The following CEP104 variants were observed in gnomAD, a reference collection of about 807,000 sequenced individuals.
CEP104 encodes the protein centrosomal protein of 104 kDa.
A neutral mutation model predicts 113.3 loss-of-function variants in CEP104; 84 were observed. That is an observed-to-expected ratio of 0.74 (90% confidence interval 0.62 to 0.89). The LOEUF (loss-of-function observed/expected upper bound fraction) is 0.89. CEP104 is among the 40% of genes least tolerant of loss of function. The probability of loss-of-function intolerance (pLI) is 0.00; values close to 1 mark genes in which losing one functional copy is unlikely to be tolerated. For synonymous variants in CEP104, 378 were observed against 421.7 expected, an observed-to-expected ratio of 0.90 and a Z score of 1.27; for missense variants, 1,053 against 1,156.6, an observed-to-expected ratio of 0.91 and a Z score of 1.30.
At chr1:3,847,437 T>C in intron 4 of CEP104, 38 bp downstream of exon 4, 1 of 1,527,312 alleles carries the variant, frequency 6.5e-7, no homozygotes, top group Non-Finnish European at 8.8e-7. Context: ...ACAAAGAAGG[T>C]AGGGGCAGAA....
chr1:3,851,791 A>G (rs1644616001), intron 2 of CEP104, among the ~76,000 whole-genome samples: 1 of 152,250 alleles, frequency 6.6e-6, no homozygotes, highest in Admixed American at 6.5e-5. Flanking sequence ...CTGGGACTGC[A>G]GGCGGGAGCC....
Position 3,831,055 on chromosome 1 carries a change from GT to G in CEP104, c.1826del (p.Asn609ThrfsTer2). The G allele has an allele frequency of 1.2e-6, 2 of 1,613,494 alleles. No individual in the cohort carries two copies. Among genetic ancestry groups the G allele is most frequent in the Non-Finnish European group, 1.7e-6 (2 of 1,179,796 alleles). ...GTGSSGFTID[N>X]VMKFSVSALE... is the part of the protein sequence containing the mutation. ...CGCGAGGTCTGCTTACCTTCATCAC[GT>G]TGTCAATGGTGAAGCCCGAGCTGCC... On this transcript the variant is annotated frameshift_variant, in exon 13 of 22. Transcript: ENST00000378230. LOFTEE classifies it high-confidence loss of function.
chr1:3,854,666 G>A (rs1644679307), intron 1 of CEP104, among the ~76,000 whole-genome samples: 2 of 133,222 alleles, frequency 1.5e-5, no homozygotes, highest in South Asian at 4.8e-4. Flanking sequence ...TGGTATTTTA[G>A]TAGAGACGGG....
rs894900745 is a variant in CEP104, at chr1:3,819,807, C to T, written c.2571+3367G>A. ...AACAATTCACACGAAATTAGAAAGA[C>T]GTGTCTCAGCAGGCTGGAGTGGCAG... On this transcript the variant is annotated intron_variant, in intron 20 of 21. Coordinates refer to ENST00000378230, the MANE Select transcript of CEP104 (RefSeq NM_014704.4). The surrounding 1 kb of genome is among the most constrained non-coding windows in gnomAD (Gnocchi z 4.6). Among the ~76,000 whole-genome samples, 10 of 152,326 alleles carry T rather than the reference C, an allele frequency of 6.6e-5. No individual in the cohort carries two copies. Among genetic ancestry groups the T allele is most frequent in the East Asian group, 1.9e-4 (1 of 5,184 alleles).
chr1:3,836,662 G>A lies in CEP104; in HGVS notation c.1150C>T (p.Leu384Phe). ...CCATAATGCTTACGAATAGCTGGAA[G>A]AGGCCGCTCATCGTAGGGCAGGGAC... Reference protein sequence around the residue: ...AESLPYDERPLPAIRKHYGEA... With the variant: ...AESLPYDERPFPAIRKHYGEA... Residue 384 changes from leucine (L) to phenylalanine (F), a missense_variant, in exon 10 of 22, where the codon CTT becomes TTT. Physicochemically the swap from Leu to Phe is conservative, Grantham distance 22. Transcript: ENST00000378230. The A allele has an allele frequency of 6.2e-7, 1 of 1,613,736 alleles. No individual in the cohort carries two copies.
chr1:3,833,263 G>A (rs889668147), intron 12 of CEP104, among the ~76,000 whole-genome samples: 1 of 152,156 alleles, frequency 6.6e-6, no homozygotes. Context: ...ACAGGTGTGA[G>A]CCACCGTGCC....
At position 3,835,137 on chromosome 1, in the gene CEP104, T is replaced by C. The variant is rs750157811; in HGVS notation, c.1318-45A>G. On this transcript the variant is annotated intron_variant, in intron 10 of 21. Transcript: ENST00000378230. ...ATTTCATGGCATCACACAACCATCC[T>C]CCAACACTACACAACTTGAAGGCTT... The C allele has an allele frequency of 2.6e-6, 4 of 1,532,190 alleles. No individual in the cohort carries two copies. The South Asian group carries it at 3.7e-5, about 14-fold the overall frequency. The allele number at this position is 1,532,190 out of a possible 1,614,324, so 94.9% of individuals were successfully genotyped here.
chr1:3,838,682 C>A (rs1644358708), intron 8 of CEP104, among the ~76,000 whole-genome samples: 3 of 152,194 alleles, frequency 2.0e-5, no homozygotes, highest in Admixed American at 2.0e-4. Context: ...AATAAGGAAG[C>A]AGCTGGAGAG....
At chr1:3,828,908 G>A (rs916138571) in intron 15 of CEP104, among the ~76,000 whole-genome samples, 3 of 152,096 alleles carry the variant, frequency 2.0e-5, no homozygotes, top group African/African-American at 7.2e-5. Flanking sequence ...TTTTTAATGC[G>A]CTGAAGTCAG....
At chr1:3,854,029 A>G (rs1248335589) in intron 1 of CEP104, among the ~76,000 whole-genome samples, 1 of 152,210 alleles carries the variant, frequency 6.6e-6, no homozygotes, top group Non-Finnish European at 1.5e-5. Flanking sequence ...TATGCCAGAA[A>G]CGCACAGCCC....
chr1:3,854,236 G>A (rs10909803), intron 1 of CEP104, among the ~76,000 whole-genome samples: 55,802 of 151,806 alleles, frequency 0.37, 12,443 homozygotes, highest in African/African-American at 0.64. Context: ...CACCTGAAGC[G>A]CCTCCCTCAG....
rs187365623 is a variant in CEP104, at chr1:3,854,309, T to C, written c.-14-1888A>G. Among the ~76,000 whole-genome samples the C allele has an allele frequency of 2.6e-4, 39 of 152,206 alleles. No individual in the cohort carries two copies. The East Asian group carries it at 5.6e-3, about 22-fold the overall frequency. On this transcript the variant is annotated intron_variant, in intron 1 of 21. Transcript: ENST00000378230. ...GCCCAGCTCCAGTCATCTCCATCCA[T>C]GTCCTAACTCCAGAGCTCTTGGTGG...
intron 15 of CEP104, among the ~76,000 whole-genome samples, chr1:3,827,128 A>G (rs930734199): frequency 2.0e-5 from 3 of 152,182 alleles, no homozygotes; most frequent in African/African-American, 7.2e-5. Flanking sequence ...GTTTCTCTCA[A>G]ACTCAACCAC....
intron 6 of CEP104, among the ~76,000 whole-genome samples, chr1:3,842,732 G>C (rs1390409054): frequency 1.3e-5 from 2 of 152,120 alleles, no homozygotes; most frequent in African/African-American, 4.8e-5. Context: ...TTCTTTATTG[G>C]GAAGCTGCTG....
chr1:3,832,956 TGGG>T (rs1377356319), intron 12 of CEP104, among the ~76,000 whole-genome samples: 19 of 151,270 alleles, frequency 1.3e-4, no homozygotes, highest in African/African-American at 4.6e-4. Context: ...GCTGGGATTA[TGGG>T]CGTGAGCCAC....
intron 2 of CEP104, among the ~76,000 whole-genome samples, chr1:3,851,496 G>A (rs964003798): frequency 7.2e-5 from 11 of 152,150 alleles, no homozygotes; most frequent in Admixed American, 2.6e-4. Context: ...CAGAGCTGAC[G>A]AGGTGGGATG....
chr1:3,815,343 G>T lies in CEP104; in HGVS notation c.*59C>A. 7.9e-7 allele frequency: 1 copy of T among 1,270,166 alleles called. No individual in the cohort carries two copies. The highest frequency in any genetic ancestry group is 1.1e-6 in the Non-Finnish European group (1 of 897,200). 78.7% of individuals were successfully genotyped at this position (1,270,166 alleles called of 1,614,324 possible). ...AAGGCCAGAGAGTTCTGGAGAGATG[G>T]TGTAGAATCAGGAGACCCGCTCCAT... On this transcript the variant is annotated 3_prime_UTR_variant, in exon 22 of 22. Coordinates refer to ENST00000378230, the MANE Select transcript of CEP104 (RefSeq NM_014704.4).
chr1:3,815,396 G>A lies in CEP104; in HGVS notation c.*6C>T, dbSNP rs773195110. On this transcript the variant is annotated 3_prime_UTR_variant, in exon 22 of 22. Transcript: ENST00000378230. The stretch of plus-strand genomic sequence containing the variant: ...CTCACAGAGACCAAGGAGCCCGAGC[G>A]CCGCGTCAGCGCTTGGCGTACGTCC... 12 of 1,599,420 alleles carry A rather than the reference G, an allele frequency of 7.5e-6. No individual in the cohort carries two copies. Among genetic ancestry groups the A allele is most frequent in the South Asian group, 1.1e-5 (1 of 89,674 alleles).
At chr1:3,821,360 A>C (rs1331302238) in intron 20 of CEP104, among the ~76,000 whole-genome samples, 1 of 152,272 alleles carries the variant, frequency 6.6e-6, no homozygotes, top group African/African-American at 2.4e-5. Flanking sequence ...GACACTACAG[A>C]CAAAACAAAA....
Sources: gnomAD v4.1 joint callset for allele counts (sites outside exome capture counted in the v4.1 genomes callset) on GRCh38, gnomAD v4.1.1 for gene constraint, Gnocchi (gnomAD v3.1) non-coding constraint, MANE v1.5 for transcripts, NCBI Gene and HGNC (gene_info 2026-07-23, HGNC 2026-07-21) for gene names.